The following SLC16A1 variants were observed in gnomAD, a reference collection of about 807,000 sequenced individuals.
SLC16A1 encodes the protein monocarboxylate transporter 1.
Under a neutral mutation model 32.2 loss-of-function variants are expected in SLC16A1, and 11 were observed. The ratio of observed to expected loss-of-function variants is 0.34; its 90% CI spans 0.21 to 0.56. SLC16A1 has a LOEUF of 0.56. SLC16A1 is among the 20% of genes least tolerant of loss of function. The pLI is 0.87. For missense variants in SLC16A1, 435 were observed against 615.0 expected (o/e 0.71, Z 3.10); for synonymous variants, 231 against 226.8 (o/e 1.02, Z -0.17).
chr1:112,926,242 G>A (rs1286548714), intron 2 of SLC16A1, among the ~76,000 whole-genome samples: 2 of 152,284 alleles, frequency 1.3e-5, no homozygotes, highest in South Asian at 2.1e-4. Flanking sequence ...AGGAATTAAA[G>A]CTTTTGATTA....
At position 112,941,375 on chromosome 1, in the gene SLC16A1, G is replaced by A. The variant is rs1239104314; in HGVS notation, c.-44-12023C>T. Among the ~76,000 whole-genome samples, 3 of 150,794 alleles carry A rather than the reference G, an allele frequency of 2.0e-5. No individual in the cohort carries two copies. In the East Asian group the frequency reaches 5.9e-4, roughly 30 times the overall value. ...TGGCTCACCGCAACCTCCGCCTCCT[G>A]GATTCAAGCAATTCTCCTGCCTCAG... On this transcript the variant is annotated intron_variant, in intron 1 of 4. Transcript: ENST00000369626.
At chr1:112,919,589 A>G (rs1648644628) in intron 3 of SLC16A1, among the ~76,000 whole-genome samples, 1 of 152,234 alleles carries the variant, frequency 6.6e-6, no homozygotes, top group South Asian at 2.1e-4. Context: ...AACACTATAG[A>G]AAGTCCAGGA....
At chr1:112,923,702 C>A in intron 2 of SLC16A1, 3 of 1,537,478 alleles carry the variant, frequency 2.0e-6, no homozygotes, top group South Asian at 1.1e-5. Context: ...CAGACCACAG[C>A]ACCCCGGTGG....
At chr1:112,921,482 G>GT (rs758636407) in intron 3 of SLC16A1, among the ~76,000 whole-genome samples, 4 of 152,166 alleles carry the variant, frequency 2.6e-5, no homozygotes, top group Admixed American at 2.0e-4. Context: ...AAAAAAAGGT[G>GT]TATCTGTGCA....
At chr1:112,933,241 G>A (rs887617825) in intron 1 of SLC16A1, among the ~76,000 whole-genome samples, 7 of 151,982 alleles carry the variant, frequency 4.6e-5, no homozygotes, top group Non-Finnish European at 5.9e-5. Flanking sequence ...AGGCTGAGGC[G>A]GGAGGATCAC....
chr1:112,917,780 T>G lies in SLC16A1; in HGVS notation c.626A>C (p.Lys209Thr). Reference protein sequence around the residue: ...GPKPTKAGKDKSKASLEKAGK... With the variant: ...GPKPTKAGKDTSKASLEKAGK... ...AGCTTTCTCAAGGGATGCTTTAGACTTATCTTTCCCTGCCTTGGTTGGCTT... is the reference window on the plus strand; with the variant it reads ...AGCTTTCTCAAGGGATGCTTTAGACGTATCTTTCCCTGCCTTGGTTGGCTT... Residue 209 changes from lysine (K) to threonine (T), a missense_variant, in exon 4 of 5, where the codon AAG becomes ACG. Transcript: ENST00000369626. The surrounding 1 kb of genome is among the most constrained non-coding windows in gnomAD (Gnocchi z 4.1). 6.2e-7 allele frequency: 1 copy of G among 1,614,226 alleles called. No individual in the cohort carries two copies.
chr1:112,937,162 C>T (rs1649336088), intron 1 of SLC16A1, among the ~76,000 whole-genome samples: 1 of 152,046 alleles, frequency 6.6e-6, no homozygotes, highest in South Asian at 2.1e-4. Flanking sequence ...CATAGAACAC[C>T]CACACACAGA....
intron 1 of SLC16A1, among the ~76,000 whole-genome samples, chr1:112,948,179 C>A (rs531761208): frequency 6.6e-6 from 1 of 152,196 alleles, no homozygotes; most frequent in East Asian, 1.9e-4. Flanking sequence ...CAACATCACG[C>A]CACTGTATTC....
chr1:112,918,614 A>G (rs1648603178), intron 3 of SLC16A1, among the ~76,000 whole-genome samples: 1 of 152,182 alleles, frequency 6.6e-6, no homozygotes, highest in Non-Finnish European at 1.5e-5. Context: ...CACCTTGGGC[A>G]GCATAGCAAG....
chr1:112,953,252 C>T (rs566952248), intron 1 of SLC16A1, among the ~76,000 whole-genome samples: 1 of 151,818 alleles, frequency 6.6e-6, no homozygotes, highest in South Asian at 2.1e-4. Context: ...GCCTCCACCT[C>T]CTGGGTTCAA....
chr1:112,918,868 C>T (rs1051687549), intron 3 of SLC16A1, among the ~76,000 whole-genome samples: 16 of 152,030 alleles, frequency 1.1e-4, no homozygotes, highest in Non-Finnish European at 2.1e-4. Context: ...AGCACCAAAA[C>T]TTAAAAACAG....
At chr1:112,924,756 G>A (rs1449819826) in intron 2 of SLC16A1, among the ~76,000 whole-genome samples, 1 of 152,084 alleles carries the variant, frequency 6.6e-6, no homozygotes, top group Non-Finnish European at 1.5e-5. Flanking sequence ...TGGTGGTGGT[G>A]CATGCCTGTA....
Position 112,939,094 on chromosome 1 carries a change from T to C in SLC16A1, c.-44-9742A>G, listed in dbSNP as rs536527642. On this transcript the variant is annotated intron_variant, in intron 1 of 4. Transcript: ENST00000369626. ...CTTTTAGTAGAGACAGGTTTTACCA[T>C]GTTGGCCAGGCTGGTCTCGAACTCC... Among the ~76,000 whole-genome samples, 14 of 152,078 alleles carry C rather than the reference T, an allele frequency of 9.2e-5. No homozygotes were observed. In the East Asian group the frequency reaches 2.3e-3, roughly 25 times the overall value.
At chr1:112,941,336 C>T (rs1307919428) in intron 1 of SLC16A1, among the ~76,000 whole-genome samples, 3 of 140,520 alleles carry the variant, frequency 2.1e-5, no homozygotes, top group Non-Finnish European at 4.5e-5. Context: ...GGCTGGAGTG[C>T]GATGGTACGA....
At chr1:112,949,575 T>C (rs1261482570) in intron 1 of SLC16A1, among the ~76,000 whole-genome samples, 1 of 152,200 alleles carries the variant, frequency 6.6e-6, no homozygotes, top group African/African-American at 2.4e-5. Context: ...CATTCTAACC[T>C]TGGAACAGAA....
intron 1 of SLC16A1, among the ~76,000 whole-genome samples, chr1:112,953,522 C>T (rs1649972090): frequency 6.6e-6 from 1 of 152,174 alleles, no homozygotes; most frequent in Non-Finnish European, 1.5e-5. Context: ...TTTTTTTACC[C>T]TCCTTTATCC....
chr1:112,955,463 T>G (rs1650047755), intron 1 of SLC16A1: 1 of 152,208 alleles, frequency 6.6e-6, no homozygotes, highest in South Asian at 2.1e-4. Flanking sequence ...CTCCGCAAAG[T>G]CTACTCGAAC....
intron 3 of SLC16A1, among the ~76,000 whole-genome samples, chr1:112,920,434 C>G (rs796142411): frequency 3.9e-5 from 6 of 152,124 alleles, no homozygotes; most frequent in African/African-American, 1.4e-4. Flanking sequence ...AGTGAAACCC[C>G]GTCTCTACTA....
At chr1:112,914,548 T>C (rs1156960388) in intron 4 of SLC16A1, among the ~76,000 whole-genome samples, 2 of 152,214 alleles carry the variant, frequency 1.3e-5, no homozygotes, top group African/African-American at 4.8e-5. Flanking sequence ...CCAATGCTCT[T>C]TCTCTCTCAG....
Sources: allele counts gnomAD v4.1 joint callset (sites outside exome capture counted in the v4.1 genomes callset), GRCh38; gene constraint gnomAD v4.1.1; non-coding constraint Gnocchi (gnomAD v3.1); transcripts MANE v1.5; gene names NCBI Gene and HGNC (gene_info 2026-07-23, HGNC 2026-07-21).